Variants in ANO6 observed in about 807,000 individuals in gnomAD.
ANO6 encodes anoctamin-6.
In ANO6, 106 loss-of-function variants were observed where a neutral mutation model predicts 117.5. The observed-to-expected ratio is 0.90, with a 90% CI of 0.77 to 1.06. The LOEUF is 1.06. Among genes scored for constraint, ANO6 ranks in the 50% least tolerant of loss-of-function variants. ANO6 has a pLI of 0.00. For synonymous variants in ANO6, 367 were observed against 385.1 expected, an observed-to-expected ratio of 0.95 and a Z score of 0.55; for missense variants, 955 against 1,121.1, an observed-to-expected ratio of 0.85 and a Z score of 2.12.
At chr12:45,258,609 TC>T (rs1937918370) in intron 1 of ANO6, among the ~76,000 whole-genome samples, 1 of 152,102 alleles carries the variant, frequency 6.6e-6, no homozygotes, top group African/African-American at 2.4e-5. Context: ...ATTACTGCCT[TC>T]CCTGTACACT....
Position 45,242,775 on chromosome 12 carries a change from T to A in ANO6, c.70+26384T>A, listed in dbSNP as rs183369994. On this transcript the variant is annotated intron_variant, in intron 1 of 19. Coordinates refer to ENST00000320560, the MANE Select transcript of ANO6 (RefSeq NM_001025356.3). ...AATTTCAAAGTGGATTGAGAAAAGTTCCCCTCTGAGTGGTTTTTTCTTTTT... is the reference window on the plus strand; with the variant it reads ...AATTTCAAAGTGGATTGAGAAAAGTACCCCTCTGAGTGGTTTTTTCTTTTT... Among the ~76,000 whole-genome samples the A allele has an allele frequency of 2.4e-3, 359 of 152,300 alleles. 1 individual carries two copies. The highest frequency in any genetic ancestry group is 7.4e-3 in the African/African-American group (307 of 41,562).
chr12:45,221,298 CAG>C (rs1423152293), intron 1 of ANO6, among the ~76,000 whole-genome samples: 2 of 152,240 alleles, frequency 1.3e-5, no homozygotes, highest in African/African-American at 4.8e-5. Flanking sequence ...CATCATCAGA[CAG>C]AGATTTGCAA....
At chr12:45,323,698 CACATGGCTAGTTGT>C (rs1299271306) in intron 2 of ANO6, among the ~76,000 whole-genome samples, 1 of 152,112 alleles carries the variant, frequency 6.6e-6, no homozygotes, top group Non-Finnish European at 1.5e-5. Context: ...CACACAAAGG[CACATGGCTAGTTGT>C]ACATGGCATA....
At chr12:45,315,195 A>T (rs1044336192) in intron 2 of ANO6, among the ~76,000 whole-genome samples, 1 of 152,120 alleles carries the variant, frequency 6.6e-6, no homozygotes, top group African/African-American at 2.4e-5. Context: ...ACAACTTGTG[A>T]TGCAGCTATT....
intron 17 of ANO6, among the ~76,000 whole-genome samples, chr12:45,417,678 C>G (rs1943249143): frequency 6.6e-6 from 1 of 152,098 alleles, no homozygotes; most frequent in African/African-American, 2.4e-5. Flanking sequence ...AAGAAGTATC[C>G]CAAAACTAGG....
chr12:45,326,978 A>G (rs187026288), intron 2 of ANO6, among the ~76,000 whole-genome samples: 26 of 152,322 alleles, frequency 1.7e-4, no homozygotes, highest in Admixed American at 1.0e-3. Context: ...GTCTTCTCTT[A>G]GCAGACAGAA....
chr12:45,355,640 G>C (rs1450775286), intron 7 of ANO6, among the ~76,000 whole-genome samples: 1 of 152,158 alleles, frequency 6.6e-6, no homozygotes, highest in Non-Finnish European at 1.5e-5. Context: ...CCTTCCATGA[G>C]CCAGAGAGCA....
chr12:45,256,698 G>A (rs1157690173), intron 1 of ANO6: 2 of 152,120 alleles, frequency 1.3e-5, no homozygotes, highest in Non-Finnish European at 1.5e-5. Flanking sequence ...TTGATTAACT[G>A]AACCTTTCAT....
chr12:45,331,939 G>GTTC (rs1940678600), intron 3 of ANO6, among the ~76,000 whole-genome samples: 2 of 152,028 alleles, frequency 1.3e-5, no homozygotes, highest in African/African-American at 4.8e-5. Flanking sequence ...TCTAGCAAGT[G>GTTC]GTGAAGCCAT....
chr12:45,348,545 T>TATCA lies in ANO6; in HGVS notation c.663_666dup (p.Val223SerfsTer7). 1.2e-6 allele frequency: 2 copies of TATCA among 1,614,010 alleles called. No homozygotes were observed. The highest frequency in any genetic ancestry group is 2.2e-5 in the South Asian group (2 of 91,082). ...TTACTTCATCCTCTCTCGGGTCAAG[T>TATCA]ATCAAGTGATAAACAATGTTAGCAA... On this transcript the variant is annotated frameshift_variant, in exon 6 of 20. Transcript: ENST00000320560. LOFTEE classifies it high-confidence loss of function.
At chr12:45,363,808 ACT>A (rs1941617858) in intron 8 of ANO6, among the ~76,000 whole-genome samples, 3 of 151,812 alleles carry the variant, frequency 2.0e-5, no homozygotes, top group Non-Finnish European at 2.9e-5. Context: ...GTTTCACTTG[ACT>A]CTCATTCTTT....
chr12:45,313,803 C>T (rs1005296639), intron 2 of ANO6, among the ~76,000 whole-genome samples: 4 of 152,048 alleles, frequency 2.6e-5, no homozygotes, highest in Admixed American at 2.6e-4. Flanking sequence ...AGCACTTACA[C>T]GTGCTAATGT....
intron 3 of ANO6, among the ~76,000 whole-genome samples, chr12:45,345,235 C>G (rs1023397447): frequency 6.6e-6 from 1 of 152,228 alleles, no homozygotes; most frequent in African/African-American, 2.4e-5. Context: ...TACTTCAACA[C>G]AATACATCAG....
intron 2 of ANO6, among the ~76,000 whole-genome samples, chr12:45,330,607 T>A (rs1362679731): frequency 6.6e-6 from 1 of 152,180 alleles, no homozygotes; most frequent in East Asian, 1.9e-4. Context: ...TGCCATCATT[T>A]CCTTTTAAAC....
intron 1 of ANO6, among the ~76,000 whole-genome samples, chr12:45,264,215 T>A (rs1163552397): frequency 6.6e-6 from 1 of 152,226 alleles, no homozygotes; most frequent in African/African-American, 2.4e-5. Context: ...TTCCCACATC[T>A]TGATTCCTGA....
chr12:45,431,183 A>G lies in ANO6; in HGVS notation c.*1872A>G, dbSNP rs1034981262. ...TCAGAGTTCAAGACAGGCCCCATGA[A>G]GTCTGACTGCACTGGGATGGAGAAA... On this transcript the variant is annotated 3_prime_UTR_variant, in exon 20 of 20. Coordinates refer to ENST00000320560, the MANE Select transcript of ANO6 (RefSeq NM_001025356.3). 3.0e-6 allele frequency: 3 copies of G among 985,376 alleles called. No individual in the cohort carries two copies. Among genetic ancestry groups the G allele is most frequent in the Non-Finnish European group, 3.6e-6 (3 of 829,910 alleles). 61.0% of individuals were successfully genotyped at this position (985,376 alleles called of 1,614,324 possible). A position where few individuals can be genotyped will look rare whatever the true frequency, so the allele number is the denominator to read the frequency against.
chr12:45,317,296 C>T lies in ANO6; in HGVS notation c.151-13999C>T, dbSNP rs556577726. On this transcript the variant is annotated intron_variant, in intron 2 of 19. Coordinates refer to ENST00000320560, the MANE Select transcript of ANO6 (RefSeq NM_001025356.3). ...CTCCCCCCACCCCACAACAGGCCCC[C>T]GTGTGTGATGTTCCCCTTCCTGTGT... Among the ~76,000 whole-genome samples, 684 of 104,554 alleles carry T rather than the reference C, an allele frequency of 6.5e-3. 11 individuals are homozygous for T. The highest frequency in any genetic ancestry group is 0.021 in the African/African-American group (641 of 30,592). The allele number at this position is 104,554 out of a possible 152,430, so 68.6% of individuals were successfully genotyped here.
chr12:45,281,238 A>G (rs895432243), intron 1 of ANO6, among the ~76,000 whole-genome samples: 10 of 152,242 alleles, frequency 6.6e-5, no homozygotes, highest in Admixed American at 5.2e-4. Context: ...GAGGTTCTAC[A>G]GCAAACTAAA....
chr12:45,397,016 C>G (rs1942634108), intron 12 of ANO6, among the ~76,000 whole-genome samples: 1 of 152,150 alleles, frequency 6.6e-6, no homozygotes, highest in Admixed American at 6.5e-5. Context: ...AACTAAAGAG[C>G]TTCTGCACAG....
Sources: gnomAD v4.1 joint callset for allele counts (sites outside exome capture counted in the v4.1 genomes callset) on GRCh38, gnomAD v4.1.1 for gene constraint, MANE v1.5 for transcripts, NCBI Gene and HGNC (gene_info 2026-07-23, HGNC 2026-07-21) for gene names.